The following INPP4B variants were observed in gnomAD, a reference collection of about 807,000 sequenced individuals.
INPP4B encodes the protein inositol polyphosphate 4-phosphatase type II.
Under a neutral mutation model 122.5 loss-of-function variants are expected in INPP4B, and 55 were observed. That is an observed-to-expected ratio of 0.45 (90% CI 0.36 to 0.56). The LOEUF is 0.56. INPP4B is among the 20% of genes least tolerant of loss of function. INPP4B has a pLI of 0.00. For missense variants in INPP4B, 1,000 were observed against 1,097.7 expected (o/e 0.91, Z 1.26); for synonymous variants, 403 against 388.7 (o/e 1.04, Z -0.43).
chr4:142,238,377 G>A (rs1039658558), intron 11 of INPP4B, among the ~76,000 whole-genome samples: 7 of 151,844 alleles, frequency 4.6e-5, no homozygotes, highest in African/African-American at 1.5e-4. Context: ...AAGTGTATGT[G>A]TCTACAAACA....
intron 3 of INPP4B, among the ~76,000 whole-genome samples, chr4:142,435,570 C>T (rs1036885199): frequency 1.3e-5 from 2 of 152,100 alleles, no homozygotes; most frequent in African/African-American, 4.8e-5. Context: ...AAATCCTGCA[C>T]CAGCAACTGA....
At chr4:142,804,073 A>G (rs973436650) in intron 1 of INPP4B, among the ~76,000 whole-genome samples, 8 of 151,054 alleles carry the variant, frequency 5.3e-5, no homozygotes, top group African/African-American at 1.9e-4. Flanking sequence ...AAATAAATAA[A>G]TAAATAAATA....
chr4:142,609,512 A>C (rs1277515644), intron 2 of INPP4B, among the ~76,000 whole-genome samples: 1 of 152,132 alleles, frequency 6.6e-6, no homozygotes, highest in Non-Finnish European at 1.5e-5. Flanking sequence ...TTAGCCTCAC[A>C]TTGGTGGATA....
intron 2 of INPP4B, among the ~76,000 whole-genome samples, chr4:142,528,470 C>T (rs1430694781): frequency 1.3e-5 from 2 of 152,096 alleles, no homozygotes; most frequent in Non-Finnish European, 2.9e-5. Context: ...ACTCTCTATT[C>T]CTTGCAAATT....
Position 142,026,167 on chromosome 4 carries a change from A to C in INPP4B, c.*2615T>G, listed in dbSNP as rs906382805. Reference sequence around the variant, plus strand: ...ATCTTTTAAGTGAAAATATAGATAGAATAGCATGACTGTGGCTGTGTTTGT... The same window carrying C: ...ATCTTTTAAGTGAAAATATAGATAGCATAGCATGACTGTGGCTGTGTTTGT... On this transcript the variant is annotated 3_prime_UTR_variant, in exon 26 of 26. Transcript: ENST00000262992. 4.6e-5 allele frequency: 7 copies of C among 152,158 alleles called. No homozygotes were observed. Among genetic ancestry groups the C allele is most frequent in the African/African-American group, 1.7e-4 (7 of 41,442 alleles). The allele number at this position is 152,158 out of a possible 1,614,324, so 9.4% of individuals were successfully genotyped here.
chr4:142,198,463 T>TA (rs146958293), intron 14 of INPP4B, among the ~76,000 whole-genome samples: 3 of 151,682 alleles, frequency 2.0e-5, no homozygotes, highest in Non-Finnish European at 4.4e-5. Context: ...TTCCTTTTTT[T>TA]AAAAAAAAGA....
chr4:142,742,864 G>T (rs56158313), intron 1 of INPP4B, among the ~76,000 whole-genome samples: 4,550 of 152,036 alleles, frequency 0.03, 84 homozygotes, highest in Non-Finnish European at 0.041. Context: ...TACCAAAAAA[G>T]AGGGAGGTGA....
chr4:142,773,200 A>G (rs771779380), intron 1 of INPP4B, among the ~76,000 whole-genome samples: 7 of 152,154 alleles, frequency 4.6e-5, no homozygotes, highest in Non-Finnish European at 1.0e-4. Context: ...GAGATAAGGA[A>G]GAAATGAGTT....
At chr4:142,169,731 A>T (rs1366647575) in intron 16 of INPP4B, among the ~76,000 whole-genome samples, 1 of 151,766 alleles carries the variant, frequency 6.6e-6, no homozygotes. Context: ...TAACTATTTA[A>T]CAAATGCAAT....
chr4:142,059,669 A>G (rs1233734805), intron 25 of INPP4B, among the ~76,000 whole-genome samples: 1 of 152,164 alleles, frequency 6.6e-6, no homozygotes, highest in Non-Finnish European at 1.5e-5. Context: ...ATAAAATAAC[A>G]TATTTTTGGA....
At chr4:142,592,145 T>G (rs1350689222) in intron 2 of INPP4B, among the ~76,000 whole-genome samples, 1 of 152,144 alleles carries the variant, frequency 6.6e-6, no homozygotes, top group Non-Finnish European at 1.5e-5. Flanking sequence ...AAAATCTAAA[T>G]TTTTTTCTAA....
rs200657873 is a variant in INPP4B, at chr4:142,215,892, C to CAAAAAAAAAAA, written c.837-6877_837-6867dup. Among the ~76,000 whole-genome samples the CAAAAAAAAAAA allele has an allele frequency of 2.4e-4, 13 of 54,578 alleles. 1 individual carries two copies. The highest frequency in any genetic ancestry group is 4.5e-4 in the African/African-American group (6 of 13,306). 35.8% of individuals were successfully genotyped at this position (54,578 alleles called of 152,430 possible). ...TGGGCAACAGACCAAGACTCTGTCT[C>CAAAAAAAAAAA]AAAAAAAAAAAAAAAAAAAAAAAAA... is the stretch of plus-strand genomic sequence containing the variant. On this transcript the variant is annotated intron_variant, in intron 12 of 25. Transcript: ENST00000262992.
At chr4:142,760,767 C>A (rs1241557414) in intron 1 of INPP4B, among the ~76,000 whole-genome samples, 2 of 152,132 alleles carry the variant, frequency 1.3e-5, no homozygotes, top group Non-Finnish European at 2.9e-5. Context: ...TTCTCTTTTG[C>A]CTTTGGCCTA....
intron 2 of INPP4B, among the ~76,000 whole-genome samples, chr4:142,565,283 T>C (rs1231741998): frequency 2.0e-5 from 3 of 151,906 alleles, no homozygotes; most frequent in Admixed American, 2.0e-4. Flanking sequence ...TGCTAGAAAA[T>C]ACCAAAGAGT....
At position 142,803,670 on chromosome 4, in the gene INPP4B, A is replaced by C. The variant is rs574871520; in HGVS notation, c.-254+42539T>G. Among the ~76,000 whole-genome samples the C allele has an allele frequency of 1.3e-5, 2 of 150,106 alleles. 1 individual carries two copies. The highest frequency in any genetic ancestry group is 4.3e-4 in the South Asian group (2 of 4,668). ...AACTTAAAAAAAAAAAACAAAAACA[A>C]AGAAAAGAAACCTCTCAATTCTTTT... On this transcript the variant is annotated intron_variant, in intron 1 of 25. Transcript: ENST00000262992.
chr4:142,340,618 G>T (rs549261913), intron 7 of INPP4B, among the ~76,000 whole-genome samples: 2 of 151,798 alleles, frequency 1.3e-5, no homozygotes, highest in East Asian at 1.9e-4. Context: ...TCACTATGTC[G>T]CCCAGGCTGG....
chr4:142,176,219 T>C (rs1292669059), intron 15 of INPP4B, among the ~76,000 whole-genome samples: 2 of 150,992 alleles, frequency 1.3e-5, no homozygotes, highest in Non-Finnish European at 2.9e-5. Flanking sequence ...ATGTGTGCCA[T>C]GTTGGTGTGC....
chr4:142,473,089 C>G (rs1819178547), intron 2 of INPP4B, among the ~76,000 whole-genome samples: 1 of 152,080 alleles, frequency 6.6e-6, no homozygotes, highest in Non-Finnish European at 1.5e-5. Context: ...AGATTAGATC[C>G]CTTAGGACAT....
Position 142,160,530 on chromosome 4 carries a change from T to G in INPP4B, c.1391A>C (p.Gln464Pro). The change falls in exon 17 of 26, where the codon CAA (glutamine) becomes CCA (proline). Residue 464 changes from glutamine (Q) to proline (P), a missense_variant. Physicochemically the swap from Gln to Pro is moderately conservative, Grantham distance 76 (BLOSUM62 -1). Transcript: ENST00000262992. Reference protein sequence around the residue: ...TELFVHAFKDQLVRSALLALY... With the variant: ...TELFVHAFKDPLVRSALLALY... The stretch of plus-strand genomic sequence containing the variant: ...TGCTAAAAGAGCACTCCTGACAAGT[T>G]GATCCTTGAAGGCATGTACAAAAAG... The G allele has an allele frequency of 6.2e-7, 1 of 1,608,220 alleles. No homozygotes were observed. Among genetic ancestry groups the G allele is most frequent in the Non-Finnish European group, 8.5e-7 (1 of 1,175,968 alleles).
Sources: gnomAD v4.1 joint callset for allele counts (sites outside exome capture counted in the v4.1 genomes callset) on GRCh38, gnomAD v4.1.1 for gene constraint, MANE v1.5 for transcripts, NCBI Gene and HGNC (gene_info 2026-07-23, HGNC 2026-07-21) for gene names.